PAPPA2: variants seen among roughly 807,000 people sequenced by gnomAD.
PAPPA2 encodes pappalysin 2.
PAPPA2 carries 86 observed loss-of-function variants against 176.4 expected under a neutral mutation model. The ratio of observed to expected loss-of-function variants is 0.49; its 90% CI spans 0.41 to 0.58. PAPPA2 has a LOEUF of 0.58. Ranked by LOEUF, PAPPA2 falls within the 20% of genes least tolerant of loss-of-function variation. The pLI, the probability that PAPPA2 is intolerant of heterozygous loss-of-function variation, is 0.00. For missense variants in PAPPA2, 2,073 were observed against 2,256.9 expected (o/e 0.92, Z 1.65); for synonymous variants, 809 against 852.2 (o/e 0.95, Z 0.88).
At chr1:176,627,165 A>G (rs1200397885) in intron 3 of PAPPA2, among the ~76,000 whole-genome samples, 4 of 152,082 alleles carry the variant, frequency 2.6e-5, no homozygotes, top group African/African-American at 9.7e-5. Context: ...AAGAAGGTGC[A>G]TTTTCCTGTT....
intron 4 of PAPPA2, among the ~76,000 whole-genome samples, chr1:176,683,891 ACAAT>A (rs1480236027): frequency 1.3e-5 from 2 of 152,198 alleles, no homozygotes; most frequent in Non-Finnish European, 2.9e-5. Flanking sequence ...AAGTCAAGGT[ACAAT>A]CAACTTTATT....
chr1:176,815,519 C>T (rs1023650595), intron 21 of PAPPA2, among the ~76,000 whole-genome samples: 2 of 152,124 alleles, frequency 1.3e-5, no homozygotes, highest in Non-Finnish European at 2.9e-5. Context: ...CATATATACA[C>T]ATAAACATGC....
intron 3 of PAPPA2, among the ~76,000 whole-genome samples, chr1:176,637,843 T>C (rs1222830720): frequency 6.6e-6 from 1 of 152,138 alleles, no homozygotes; most frequent in Admixed American, 6.6e-5. Flanking sequence ...TTATTTCATG[T>C]TCTAATCTCA....
intron 21 of PAPPA2, among the ~76,000 whole-genome samples, chr1:176,821,880 C>A (rs117318702): frequency 6.6e-6 from 1 of 152,170 alleles, no homozygotes; most frequent in African/African-American, 2.4e-5. Flanking sequence ...CCTTTGCAGT[C>A]GCAAGCATTC....
Position 176,557,173 on chromosome 1 carries a change from G to C in PAPPA2, c.851G>C (p.Arg284Pro). 2 of 1,613,384 alleles carry C rather than the reference G, an allele frequency of 1.2e-6. No individual in the cohort carries two copies. Among genetic ancestry groups the C allele is most frequent in the Admixed American group, 1.7e-5 (1 of 59,950 alleles). Residue 284 changes from arginine (R) to proline (P), a missense_variant, in exon 2 of 23, where the codon CGG becomes CCG. Arg to Pro is a moderately radical substitution (Grantham distance 103). Coordinates refer to ENST00000367662, the MANE Select transcript of PAPPA2 (RefSeq NM_020318.3). ...LRPEVLAEIP[R>P]EAFTVEAWVK... ...CCAGAAGTGCTGGCTGAGATTCCCC[G>C]GGAGGCGTTCACAGTGGAAGCCTGG...
At position 176,793,564 on chromosome 1, in the gene PAPPA2, A is replaced by T. The variant is rs759753999; in HGVS notation, c.5025A>T (p.Ala1675=). Residue 1675 remains alanine, a synonymous_variant, in exon 20 of 23, where the codon GCA becomes GCT. Coordinates refer to ENST00000367662, the MANE Select transcript of PAPPA2 (RefSeq NM_020318.3). ...YKCEQGYGIG[A]VCSPLCVIPP... is the part of the protein sequence containing the mutation. ...TGTAAACTTCTGTTCTTTCAGGTGC[A>T]GTGTGTTCCCCATTGTGTGTAATCC... 2 of 1,607,050 alleles carry T rather than the reference A, an allele frequency of 1.2e-6. No homozygotes were observed. The highest frequency in any genetic ancestry group is 2.2e-5 in the South Asian group (2 of 90,772).
At chr1:176,532,485 C>T (rs1355198257) in intron 1 of PAPPA2, among the ~76,000 whole-genome samples, 1 of 152,192 alleles carries the variant, frequency 6.6e-6, no homozygotes, top group African/African-American at 2.4e-5. Flanking sequence ...AAAAATAACA[C>T]ACGCAATTTC....
chr1:176,779,475 A>ATC (rs1011914113), intron 17 of PAPPA2, among the ~76,000 whole-genome samples: 68 of 99,676 alleles, frequency 6.8e-4, no homozygotes, highest in South Asian at 2.0e-3. Context: ...TTCCATACTC[A>ATC]TCACACACAC....
intron 1 of PAPPA2, among the ~76,000 whole-genome samples, chr1:176,483,550 A>G (rs987906004): frequency 1.4e-5 from 2 of 139,144 alleles, no homozygotes; most frequent in Non-Finnish European, 3.0e-5. Flanking sequence ...GGCTCACTGC[A>G]ATCTCCGCTT....
Position 176,490,338 on chromosome 1 carries a change from C to T in PAPPA2, c.-917+26920C>T, listed in dbSNP as rs115832529. On this transcript the variant is annotated intron_variant, in intron 1 of 22. Coordinates refer to ENST00000367662, the MANE Select transcript of PAPPA2 (RefSeq NM_020318.3). ...GTGTCAATTCAAATGAGTGATAGAC[C>T]TTTAGTGTTGGATCTTCAGTTTGCA... is the stretch of plus-strand genomic sequence containing the variant. 5.2e-3 allele frequency among the ~76,000 whole-genome samples: 792 copies of T among 152,138 alleles called. 6 individuals are homozygous for T. The highest frequency in any genetic ancestry group is 0.017 in the Middle Eastern group (5 of 294).
intron 2 of PAPPA2, among the ~76,000 whole-genome samples, chr1:176,562,993 A>T (rs188923664): frequency 6.6e-6 from 1 of 152,134 alleles, no homozygotes; most frequent in Non-Finnish European, 1.5e-5. Flanking sequence ...CCTAGGGTGC[A>T]TATTGCTTCC....
chr1:176,624,387 G>A (rs914892586), intron 3 of PAPPA2, among the ~76,000 whole-genome samples: 6 of 152,086 alleles, frequency 3.9e-5, no homozygotes, highest in Admixed American at 2.0e-4. Flanking sequence ...TGAGAGTGAC[G>A]GAACACTAAT....
At chr1:176,600,131 G>T (rs997171221) in intron 3 of PAPPA2, among the ~76,000 whole-genome samples, 2 of 152,164 alleles carry the variant, frequency 1.3e-5, no homozygotes, top group Non-Finnish European at 2.9e-5. Flanking sequence ...AAAGACTATG[G>T]AAAGGATAAG....
At chr1:176,517,104 C>A (rs1308736376) in intron 1 of PAPPA2, among the ~76,000 whole-genome samples, 2 of 152,100 alleles carry the variant, frequency 1.3e-5, no homozygotes, top group Non-Finnish European at 2.9e-5. Context: ...TCTTCCTTGA[C>A]CTTCCGCAAA....
At position 176,510,810 on chromosome 1, in the gene PAPPA2, T is replaced by TACACACACACACAC. The variant is rs200808228; in HGVS notation, c.-916-44571_-916-44558dup. Among the ~76,000 whole-genome samples, 1,128 of 126,504 alleles carry TACACACACACACAC rather than the reference T, an allele frequency of 8.9e-3. 15 individuals are homozygous for TACACACACACACAC. The highest frequency in any genetic ancestry group is 0.021 in the African/African-American group (736 of 34,816). 83.0% of individuals were successfully genotyped at this position (126,504 alleles called of 152,430 possible). A position where few individuals can be genotyped will look rare whatever the true frequency, so the allele number is the denominator to read the frequency against. ...ATATTTTAAAATTTAAAGCAACACA[T>TACACACACACACAC]ACACACACACACACACACACACACA... On this transcript the variant is annotated intron_variant, in intron 1 of 22. Transcript: ENST00000367662.
At chr1:176,644,318 C>A (rs1657269613) in intron 3 of PAPPA2, among the ~76,000 whole-genome samples, 1 of 151,830 alleles carries the variant, frequency 6.6e-6, no homozygotes, top group African/African-American at 2.4e-5. Flanking sequence ...GCCCAAAGAG[C>A]TTTGGTGGAT....
intron 21 of PAPPA2, among the ~76,000 whole-genome samples, chr1:176,831,477 A>G (rs76093555): frequency 1.5e-3 from 236 of 152,328 alleles, no homozygotes; most frequent in African/African-American, 5.3e-3. Flanking sequence ...ACAAATGTGC[A>G]TGGATATCAC....
chr1:176,532,548 C>T (rs754491065), intron 1 of PAPPA2, among the ~76,000 whole-genome samples: 95 of 152,184 alleles, frequency 6.2e-4, no homozygotes, highest in Non-Finnish European at 2.2e-4. Flanking sequence ...TCCTTCTGGC[C>T]GTGGGTAACA....
At chr1:176,774,267 CTGA>C (rs1445311127) in intron 17 of PAPPA2, among the ~76,000 whole-genome samples, 1 of 152,128 alleles carries the variant, frequency 6.6e-6, no homozygotes, top group African/African-American at 2.4e-5. Context: ...CATCTGCGTG[CTGA>C]TGATTCCTAA....
Sources: gnomAD v4.1 joint callset for allele counts (sites outside exome capture counted in the v4.1 genomes callset) on GRCh38, gnomAD v4.1.1 for gene constraint, MANE v1.5 for transcripts, NCBI Gene and HGNC (gene_info 2026-07-23, HGNC 2026-07-21) for gene names.